Variants in TESK2 observed in about 807,000 individuals in gnomAD.
TESK2 encodes testis associated actin remodelling kinase 2.
Under a neutral mutation model 57.1 loss-of-function variants are expected in TESK2, and 39 were observed. The ratio of observed to expected loss-of-function variants is 0.68; its 90% CI spans 0.53 to 0.89. The LOEUF is 0.89. Ranked by LOEUF, TESK2 falls within the 40% of genes least tolerant of loss-of-function variation. The pLI is 0.00. For synonymous variants in TESK2, 249 were observed against 267.9 expected, an observed-to-expected ratio of 0.93 and a Z score of 0.69; for missense variants, 646 against 732.1, an observed-to-expected ratio of 0.88 and a Z score of 1.36.
intron 4 of TESK2, among the ~76,000 whole-genome samples, chr1:45,356,051 G>A (rs1365292075): frequency 6.6e-6 from 1 of 152,146 alleles, no homozygotes; most frequent in African/African-American, 2.4e-5. Flanking sequence ...TATTATTTTA[G>A]CCATGGTATG....
At position 45,421,877 on chromosome 1, in the gene TESK2, G is replaced by A. The variant is rs144489772; in HGVS notation, c.223-31C>T. ...ATATTAAATAGAACAAGAAAAGAGG[G>A]TCAAGGGCAATAGTTATATGTGAGG... On this transcript the variant is annotated intron_variant, in intron 2 of 10. Coordinates refer to ENST00000372086, the MANE Select transcript of TESK2 (RefSeq NM_007170.3). 7.2e-5 allele frequency: 116 copies of A among 1,611,770 alleles called. No homozygotes were observed. In the African/African-American group the frequency reaches 1.3e-3, roughly 18 times the overall value.
intron 3 of TESK2, among the ~76,000 whole-genome samples, chr1:45,406,681 T>C (rs747215059): frequency 1.8e-4 from 28 of 151,864 alleles, no homozygotes; most frequent in Non-Finnish European, 3.5e-4. Flanking sequence ...ATAAAAAAAT[T>C]CAAAACCCAA....
At chr1:45,402,862 G>C (rs901973159) in intron 3 of TESK2, among the ~76,000 whole-genome samples, 3 of 151,836 alleles carry the variant, frequency 2.0e-5, no homozygotes, top group African/African-American at 7.3e-5. Context: ...GACCTGTAAC[G>C]TACTCTACCA....
intron 2 of TESK2, among the ~76,000 whole-genome samples, chr1:45,427,757 G>T (rs895005812): frequency 6.6e-6 from 1 of 152,154 alleles, no homozygotes; most frequent in African/African-American, 2.4e-5. Context: ...GTTAACAGAG[G>T]CTGGGAAGGG....
Position 45,344,787 on chromosome 1 carries a change from A to C in TESK2, c.*53T>G. The stretch of plus-strand genomic sequence containing the variant: ...ATCAAGGCTGTGCACCTAGGGGGCC[A>C]TATGGTTTCAGCTGAAGGTCCATCC... On this transcript the variant is annotated 3_prime_UTR_variant, in exon 11 of 11. Coordinates refer to ENST00000372086, the MANE Select transcript of TESK2 (RefSeq NM_007170.3). 1 of 1,502,880 alleles carries C rather than the reference A, an allele frequency of 6.7e-7. No individual in the cohort carries two copies. Among genetic ancestry groups the C allele is most frequent in the Non-Finnish European group, 9.1e-7 (1 of 1,098,734 alleles). The allele number at this position is 1,502,880 out of a possible 1,614,324, so 93.1% of individuals were successfully genotyped here.
At chr1:45,349,566 G>A (rs1043578741) in intron 5 of TESK2, among the ~76,000 whole-genome samples, 2 of 152,228 alleles carry the variant, frequency 1.3e-5, no homozygotes, top group Non-Finnish European at 2.9e-5. Flanking sequence ...CCTACACTAA[G>A]CAGTAAGAGA....
At chr1:45,378,855 G>A (rs959571864) in intron 4 of TESK2, among the ~76,000 whole-genome samples, 2 of 152,072 alleles carry the variant, frequency 1.3e-5, no homozygotes, top group East Asian at 3.8e-4. Flanking sequence ...CATCTTTGTC[G>A]TTTCCCCCTC....
At chr1:45,407,996 C>T (rs1015164791) in intron 3 of TESK2, among the ~76,000 whole-genome samples, 15 of 152,192 alleles carry the variant, frequency 9.9e-5, no homozygotes, top group African/African-American at 2.9e-4. Context: ...TGTAATCCTT[C>T]GAATCCAACC....
chr1:45,375,242 C>A (rs1648354399), intron 4 of TESK2, among the ~76,000 whole-genome samples: 1 of 152,176 alleles, frequency 6.6e-6, no homozygotes, highest in Non-Finnish European at 1.5e-5. Context: ...AGACTCTGAT[C>A]TAGCCAGTGT....
intron 3 of TESK2, among the ~76,000 whole-genome samples, chr1:45,387,622 A>T (rs1229594962): frequency 6.6e-6 from 1 of 152,192 alleles, no homozygotes; most frequent in African/African-American, 2.4e-5. Flanking sequence ...CCACCTAGTA[A>T]ACAAAGAGTA....
chr1:45,447,037 G>A (rs1199399746), intron 2 of TESK2, among the ~76,000 whole-genome samples: 1 of 152,176 alleles, frequency 6.6e-6, no homozygotes, highest in African/African-American at 2.4e-5. Context: ...GGGCAACATA[G>A]TGAGACCTCA....
chr1:45,424,031 C>G (rs1650586677), intron 2 of TESK2, among the ~76,000 whole-genome samples: 2 of 152,130 alleles, frequency 1.3e-5, no homozygotes, highest in South Asian at 4.1e-4. Context: ...AAAGATCTTT[C>G]TCGTTAAAAA....
chr1:45,477,330 T>C (rs1052087602), intron 1 of TESK2, among the ~76,000 whole-genome samples: 16 of 152,316 alleles, frequency 1.1e-4, no homozygotes, highest in African/African-American at 3.8e-4. Flanking sequence ...TTTAACTTTC[T>C]GATAGAGGTT....
At chr1:45,346,116 GC>G in intron 9 of TESK2, 122 bp from the exon 10 acceptor site, 1 of 756,418 alleles carries the variant, frequency 1.3e-6, no homozygotes. Context: ...TTTTCTAAAG[GC>G]CCCAGACAAT....
At chr1:45,433,006 T>G (rs1165127107) in intron 2 of TESK2, among the ~76,000 whole-genome samples, 2 of 149,868 alleles carry the variant, frequency 1.3e-5, no homozygotes, top group African/African-American at 4.9e-5. Flanking sequence ...TTGGGCAATC[T>G]GCCCACCTTG....
intron 1 of TESK2, among the ~76,000 whole-genome samples, chr1:45,472,907 G>A (rs1652824329): frequency 6.6e-6 from 1 of 151,558 alleles, no homozygotes; most frequent in African/African-American, 2.4e-5. Flanking sequence ...GGAAGCCAAG[G>A]CAGGCGGATC....
At chr1:45,376,213 C>CTTTTTTTTTTTTTTTT (rs71052869) in intron 4 of TESK2, among the ~76,000 whole-genome samples, 1 of 80,682 alleles carries the variant, frequency 1.2e-5, no homozygotes, top group Admixed American at 1.6e-4. Context: ...CTTTCTCTCT[C>CTTTTTTTTTTTTTTTT]TTTTTTTTTT....
At chr1:45,475,397 G>T (rs1652946826) in intron 1 of TESK2, among the ~76,000 whole-genome samples, 1 of 151,850 alleles carries the variant, frequency 6.6e-6, no homozygotes, top group South Asian at 2.1e-4. Context: ...AGTGGAGACG[G>T]GTTTTCATCA....
chr1:45,463,768 T>G (rs1385355497), intron 1 of TESK2, among the ~76,000 whole-genome samples: 1 of 152,058 alleles, frequency 6.6e-6, no homozygotes, highest in Non-Finnish European at 1.5e-5. Flanking sequence ...TACTTTTTTT[T>G]TGTAGAGACA....
Sources: gnomAD v4.1 joint callset for allele counts (sites outside exome capture counted in the v4.1 genomes callset) on GRCh38, gnomAD v4.1.1 for gene constraint, MANE v1.5 for transcripts, NCBI Gene and HGNC (gene_info 2026-07-23, HGNC 2026-07-21) for gene names.